UBR1: variants seen among roughly 807,000 people sequenced by gnomAD.
UBR1 encodes the protein ubiquitin protein ligase E3 component n-recognin 1.
UBR1 carries 102 observed loss-of-function variants against 242.1 expected under a neutral mutation model. That is an observed-to-expected ratio of 0.42 (90% CI 0.36 to 0.50). UBR1 has a LOEUF of 0.50. UBR1 is among the 20% of genes least tolerant of loss of function. The probability of loss-of-function intolerance (pLI) is 0.01; values close to 1 mark genes in which losing one functional copy is unlikely to be tolerated. For missense variants in UBR1, 1,772 were observed against 2,101.8 expected, an observed-to-expected ratio of 0.84 and a Z score of 3.07; for synonymous variants, 675 against 684.8, an observed-to-expected ratio of 0.99 and a Z score of 0.22.
In UBR1 at chr15:43,075,203, C is replaced by T. The variant is rs549897083; in HGVS notation, c.418-114G>A. ...CCAATACTCCAACCTTAATTGAGTTCAATGTAATATTAACTGGATGTAACA... is the reference window on the plus strand; with the variant it reads ...CCAATACTCCAACCTTAATTGAGTTTAATGTAATATTAACTGGATGTAACA... On this transcript the variant is annotated intron_variant, in intron 3 of 46. Coordinates refer to ENST00000290650, the MANE Select transcript of UBR1 (RefSeq NM_174916.3). 145 of 886,876 alleles carry T rather than the reference C, an allele frequency of 1.6e-4. No individual in the cohort carries two copies. The African/African-American group carries it at 2.1e-3, about 13-fold the overall frequency. The allele number at this position is 886,876 out of a possible 1,614,324, so 54.9% of individuals were successfully genotyped here. A position where few individuals can be genotyped will look rare whatever the true frequency, so the allele number is the denominator to read the frequency against.
At position 43,070,791 on chromosome 15, in the gene UBR1, C is replaced by A; in HGVS notation, c.659+4G>T. The A allele has an allele frequency of 6.2e-7, 1 of 1,612,946 alleles. No homozygotes were observed. Among genetic ancestry groups the A allele is most frequent in the Non-Finnish European group, 8.5e-7 (1 of 1,179,940 alleles). ...AACTTGTTCCGTTTGACAGTTTTCCCCACCTTATCTGGAGTTCAGGAGGCA... is the reference window on the plus strand; with the variant it reads ...AACTTGTTCCGTTTGACAGTTTTCCACACCTTATCTGGAGTTCAGGAGGCA... On this transcript the variant is annotated splice_donor_region_variant and intron_variant, in intron 5 of 46. Coordinates refer to ENST00000290650, the MANE Select transcript of UBR1 (RefSeq NM_174916.3).
At chr15:42,954,271 T>G (rs2031881968) in intron 44 of UBR1, among the ~76,000 whole-genome samples, 1 of 152,152 alleles carries the variant, frequency 6.6e-6, no homozygotes, top group Non-Finnish European at 1.5e-5. Context: ...GGAAAATTAC[T>G]GAATTTAGAG....
intron 29 of UBR1, chr15:43,011,921 C>G: frequency 2.2e-6 from 1 of 453,474 alleles, no homozygotes. Context: ...CAGTCATAAA[C>G]AATGATGTAG....
chr15:43,049,490 G>A (rs912185428), intron 12 of UBR1, among the ~76,000 whole-genome samples: 1 of 152,194 alleles, frequency 6.6e-6, no homozygotes, highest in Non-Finnish European at 1.5e-5. Flanking sequence ...GTGAACCCAG[G>A]AGGCAGAGCT....
At chr15:43,094,807 T>C (rs1225762392) in intron 1 of UBR1, among the ~76,000 whole-genome samples, 1 of 152,280 alleles carries the variant, frequency 6.6e-6, no homozygotes, top group Non-Finnish European at 1.5e-5. Flanking sequence ...ATAAGTCTTC[T>C]ATGCCTTTAT....
chr15:43,054,886 A>C lies in UBR1; in HGVS notation c.1295T>G (p.Ile432Ser). Reference sequence around the variant, plus strand: ...GACAGAGATAACATTCTGCTCTTCAATAAGATGTCGAGCCTGCGGAATATT... The same window carrying C: ...GACAGAGATAACATTCTGCTCTTCACTAAGATGTCGAGCCTGCGGAATATT... Reference protein sequence around the residue: ...FTVPTLARHLIEEQNVISVIT... With the variant: ...FTVPTLARHLSEEQNVISVIT... The change falls in exon 12 of 47, where the codon ATT becomes AGT. Residue 432 changes from isoleucine to serine, a missense_variant. Physicochemically the swap from Ile to Ser is moderately radical, Grantham distance 142 (BLOSUM62 -2). Transcript: ENST00000290650. The C allele has an allele frequency of 6.2e-7, 1 of 1,614,134 alleles. No homozygotes were observed. The highest frequency in any genetic ancestry group is 8.5e-7 in the Non-Finnish European group (1 of 1,180,002).
chr15:43,010,933 T>C (rs923691570), intron 29 of UBR1, among the ~76,000 whole-genome samples: 1 of 151,346 alleles, frequency 6.6e-6, no homozygotes, highest in African/African-American at 2.4e-5. Flanking sequence ...GAGGTTGCAG[T>C]GAGCCGAGAT....
chr15:43,027,971 G>C, intron 21 of UBR1, 143 bp from the exon 22 acceptor site: 1 of 754,532 alleles, frequency 1.3e-6, no homozygotes, highest in Non-Finnish European at 2.2e-6. Context: ...AAAAAATTAG[G>C]TCTAAAACCA....
At position 42,984,952 on chromosome 15, in the gene UBR1, T is replaced by A. The variant is rs776663869; in HGVS notation, c.3998-10A>T. 1.9e-6 allele frequency: 3 copies of A among 1,564,214 alleles called. No individual in the cohort carries two copies. The highest frequency in any genetic ancestry group is 1.8e-6 in the Non-Finnish European group (2 of 1,139,884). On this transcript the variant is annotated splice_polypyrimidine_tract_variant and intron_variant, in intron 35 of 46. Coordinates refer to ENST00000290650, the MANE Select transcript of UBR1 (RefSeq NM_174916.3). The stretch of plus-strand genomic sequence containing the variant: ...TCTCCCAATAGATTTTCTCAAAGAA[T>A]AAAAAAAAATAAAAATAATAAATCC...
rs1302844092 is a variant in UBR1 at position 43,054,987 on chromosome 15, T to C, written c.1282-88A>G. The C allele has an allele frequency of 2.3e-5, 32 of 1,395,554 alleles. No homozygotes were observed. The Admixed American group carries it at 5.7e-4, about 25-fold the overall frequency. The allele number at this position is 1,395,554 out of a possible 1,614,324, so 86.4% of individuals were successfully genotyped here. On this transcript the variant is annotated intron_variant, in intron 11 of 46. Transcript: ENST00000290650. Reference sequence around the variant, plus strand: ...TTCATTCATTTGGTTAGTCAGTATGTCATTTTTAATAAATGTTTGTTATTG... The same window carrying C: ...TTCATTCATTTGGTTAGTCAGTATGCCATTTTTAATAAATGTTTGTTATTG...
intron 35 of UBR1, 35 bp downstream of exon 35, chr15:42,988,784 T>A: frequency 6.2e-7 from 1 of 1,613,926 alleles, no homozygotes. Context: ...TAATTCTCAC[T>A]GAAACCTCCA....
At chr15:43,044,778 C>T (rs2033463048) in intron 14 of UBR1, among the ~76,000 whole-genome samples, 1 of 152,082 alleles carries the variant, frequency 6.6e-6, no homozygotes, top group Non-Finnish European at 1.5e-5. Flanking sequence ...ACCTGTAGTC[C>T]CAGCTACTCA....
intron 9 of UBR1, 66 bp from the exon 10 acceptor site, chr15:43,058,495 C>G: frequency 9.0e-7 from 1 of 1,114,756 alleles, no homozygotes; most frequent in Non-Finnish European, 1.4e-6. Context: ...CAAAAACATT[C>G]TGGCTATTAG....
At chr15:43,097,657 AG>A (rs1245830123) in intron 1 of UBR1, among the ~76,000 whole-genome samples, 1 of 152,250 alleles carries the variant, frequency 6.6e-6, no homozygotes, top group Non-Finnish European at 1.5e-5. Flanking sequence ...TATGTTGTGG[AG>A]ATGGTTTCTT....
At chr15:42,950,473 C>T (rs1346474292) in intron 45 of UBR1, 110 bp from the exon 46 acceptor site, 4 of 858,760 alleles carry the variant, frequency 4.7e-6, no homozygotes, top group East Asian at 2.5e-5. Context: ...GTTAGATATT[C>T]AGTAAAAAGA....
At chr15:43,011,672 A>C (rs1211262850) in intron 29 of UBR1, among the ~76,000 whole-genome samples, 2 of 152,224 alleles carry the variant, frequency 1.3e-5, no homozygotes, top group Non-Finnish European at 2.9e-5. Flanking sequence ...ACGTATATAC[A>C]CTATCAGGAG....
At chr15:43,012,173 G>A (rs944936616) in intron 29 of UBR1, among the ~76,000 whole-genome samples, 1 of 151,508 alleles carries the variant, frequency 6.6e-6, no homozygotes. Flanking sequence ...CTTGCAGTGA[G>A]CCGAGACCGT....
In UBR1 at chr15:43,038,205, C is replaced by A; in HGVS notation, c.1877G>T (p.Gly626Val). The A allele has an allele frequency of 6.2e-7, 1 of 1,614,046 alleles. No homozygotes were observed. Among genetic ancestry groups the A allele is most frequent in the Non-Finnish European group, 8.5e-7 (1 of 1,179,976 alleles). ...AAATTCATGCAGTCTTGAAACAGCA[C>A]CCAGCCTGCTTAAACGTACATGAAG... ...AGLHVRLSRL[G>V]AVSRLHEFVS... Residue 626 changes from glycine to valine, a missense_variant, in exon 16 of 47, where the codon GGT (glycine) becomes GTT (valine). By Grantham distance (109) the Gly-to-Val change is moderately radical. Transcript: ENST00000290650.
intron 39 of UBR1, among the ~76,000 whole-genome samples, chr15:42,971,974 C>T (rs2032214169): frequency 6.6e-6 from 1 of 152,160 alleles, no homozygotes; most frequent in Non-Finnish European, 1.5e-5. Flanking sequence ...ACATTTGGCA[C>T]CAGTGTTGTA....
Sources: allele counts gnomAD v4.1 joint callset (sites outside exome capture counted in the v4.1 genomes callset), GRCh38; gene constraint gnomAD v4.1.1; transcripts MANE v1.5; gene names NCBI Gene and HGNC (gene_info 2026-07-23, HGNC 2026-07-21).